The following IGFBP7 variants were observed in gnomAD, a reference collection of about 807,000 sequenced individuals.
IGFBP7 encodes insulin-like growth factor-binding protein 7.
In IGFBP7, 31 loss-of-function variants were observed where a neutral mutation model predicts 29.4. That is an observed-to-expected ratio of 1.05 (90% confidence interval 0.79 to 1.42). The LOEUF (loss-of-function observed/expected upper bound fraction) is 1.42, where lower values mean the gene tolerates loss of function less well. Ranked by LOEUF, IGFBP7 falls within the 40% of genes most tolerant of loss-of-function variation. IGFBP7 has a pLI of 0.00. For synonymous variants in IGFBP7, 172 were observed against 174.9 expected (o/e 0.98, Z 0.13); for missense variants, 393 against 395.5 (o/e 0.99, Z 0.05).
At chr4:57,056,663 C>A (rs756169245) in intron 1 of IGFBP7, among the ~76,000 whole-genome samples, 2 of 152,312 alleles carry the variant, frequency 1.3e-5, no homozygotes, top group East Asian at 3.9e-4. Context: ...AGGCAAGTCA[C>A]CCTTGCTTTT....
intron 1 of IGFBP7, among the ~76,000 whole-genome samples, chr4:57,092,976 G>T (rs1009878159): frequency 1.3e-5 from 2 of 151,902 alleles, no homozygotes; most frequent in African/African-American, 4.8e-5. Context: ...AATACATATG[G>T]TTAGTATGAT....
At chr4:57,039,765 C>T (rs1724174371) in intron 2 of IGFBP7, among the ~76,000 whole-genome samples, 1 of 150,916 alleles carries the variant, frequency 6.6e-6, no homozygotes, top group African/African-American at 2.4e-5. Flanking sequence ...GCTGGGGCCA[C>T]AGGCATGCCT....
intron 1 of IGFBP7, among the ~76,000 whole-genome samples, chr4:57,073,461 GGT>G (rs2109778323): frequency 6.6e-6 from 1 of 152,106 alleles, no homozygotes; most frequent in African/African-American, 2.4e-5. Flanking sequence ...TGGGCATGGT[GGT>G]GTGTGCCTGT....
intron 1 of IGFBP7, among the ~76,000 whole-genome samples, chr4:57,053,754 T>C (rs1724572677): frequency 6.6e-6 from 1 of 152,148 alleles, no homozygotes; most frequent in Non-Finnish European, 1.5e-5. Flanking sequence ...AGAGAGTGCT[T>C]TCCCGAGACG....
chr4:57,050,961 G>A (rs998804200), intron 1 of IGFBP7, among the ~76,000 whole-genome samples: 1 of 152,092 alleles, frequency 6.6e-6, no homozygotes, highest in Non-Finnish European at 1.5e-5. Context: ...TTGATGCTGG[G>A]TCCTGAAAAT....
chr4:57,082,271 T>C lies in IGFBP7; in HGVS notation c.475+27606A>G, dbSNP rs138877172. On this transcript the variant is annotated intron_variant, in intron 1 of 4. Transcript: ENST00000295666. ...ATATCAGTTATAATAAGAAAGACTT[T>C]CCTGAGAGAAGGCTGAGTTTACAAA... Among the ~76,000 whole-genome samples, 41 of 152,310 alleles carry C rather than the reference T, an allele frequency of 2.7e-4. 3 individuals carry two copies. The highest frequency in any genetic ancestry group is 9.1e-4 in the African/African-American group (38 of 41,574).
chr4:57,052,254 G>A (rs983205447), intron 1 of IGFBP7, among the ~76,000 whole-genome samples: 5 of 152,188 alleles, frequency 3.3e-5, no homozygotes, highest in African/African-American at 7.2e-5. Context: ...AGGAAAGAGA[G>A]GCATGATTTA....
intron 1 of IGFBP7, among the ~76,000 whole-genome samples, chr4:57,094,057 G>T (rs1431964925): frequency 1.3e-5 from 2 of 151,990 alleles, no homozygotes. Context: ...GCTTACACAG[G>T]GACTCTCTTA....
chr4:57,039,939 T>C (rs1026981701), intron 2 of IGFBP7, among the ~76,000 whole-genome samples: 17 of 151,206 alleles, frequency 1.1e-4, no homozygotes, highest in Admixed American at 4.6e-4. Flanking sequence ...CACTTTTTTT[T>C]TTCTTTTTTT....
chr4:57,045,874 C>T (rs59562605), intron 1 of IGFBP7, among the ~76,000 whole-genome samples: 11,625 of 151,736 alleles, frequency 0.077, 639 homozygotes, highest in East Asian at 0.25. Context: ...TACAGGTGCT[C>T]GCCACCATGC....
In IGFBP7 at chr4:57,109,276, C is replaced by CA. The variant is rs145217955; in HGVS notation, c.475+600dup. Among the ~76,000 whole-genome samples the CA allele has an allele frequency of 1.5e-3, 234 of 151,844 alleles. 4 individuals are homozygous for CA. The East Asian group carries it at 0.037, about 24-fold the overall frequency. On this transcript the variant is annotated intron_variant, in intron 1 of 4. Transcript: ENST00000295666. ...CGCTATAAAACAAAACAAAACAAAACAAAAAACCAAAAATTGGCCAGGCGT... is the reference window on the plus strand; with the variant it reads ...CGCTATAAAACAAAACAAAACAAAACAAAAAAACCAAAAATTGGCCAGGCGT...
chr4:57,085,134 A>G (rs1302109865), intron 1 of IGFBP7, among the ~76,000 whole-genome samples: 1 of 152,126 alleles, frequency 6.6e-6, no homozygotes, highest in East Asian at 1.9e-4. Flanking sequence ...TGTTTTCACT[A>G]GAATATCAAT....
rs567210914 is a variant in IGFBP7 at position 57,076,545 on chromosome 4, G to C, written c.475+33332C>G. ...ACCTTCGTGTAAGCGTATGGCTCCA[G>C]CCTGCTCTGTACAGATCCGACAGTC... is the stretch of plus-strand genomic sequence containing the variant. On this transcript the variant is annotated intron_variant, in intron 1 of 4. Transcript: ENST00000295666. Among the ~76,000 whole-genome samples the C allele has an allele frequency of 2.0e-5, 3 of 152,342 alleles. No homozygotes were observed. In the South Asian group the frequency reaches 6.2e-4, roughly 32 times the overall value.
chr4:57,050,539 C>T (rs1460727352), intron 1 of IGFBP7, among the ~76,000 whole-genome samples: 1 of 151,758 alleles, frequency 6.6e-6, no homozygotes, highest in African/African-American at 2.4e-5. Flanking sequence ...GCCACTGCAC[C>T]TGGCTTTTCA....
At chr4:57,066,539 CAAA>C in intron 1 of IGFBP7, among the ~76,000 whole-genome samples, 1 of 152,112 alleles carries the variant, frequency 6.6e-6, no homozygotes, top group African/African-American at 2.4e-5. Flanking sequence ...TATGCAGTAG[CAAA>C]CAAATAATAT....
intron 4 of IGFBP7, 30 bp from the exon 5 acceptor site, chr4:57,031,366 A>C: frequency 6.4e-7 from 1 of 1,557,640 alleles, no homozygotes; most frequent in South Asian, 1.1e-5. Context: ...GATAAAAATT[A>C]GTTACATATG....
At position 57,039,555 on chromosome 4, in the gene IGFBP7, A is replaced by T. The variant is rs184452989; in HGVS notation, c.585+1269T>A. ...GCACAGGCAGCCCGCACAACAAATA[A>T]TTATCTGGCCCCAAATGTCAATAGT... On this transcript the variant is annotated intron_variant, in intron 2 of 4. Transcript: ENST00000295666. Among the ~76,000 whole-genome samples, 7 of 152,108 alleles carry T rather than the reference A, an allele frequency of 4.6e-5. No homozygotes were observed. The East Asian group carries it at 1.2e-3, about 25-fold the overall frequency.
At chr4:57,063,720 C>T (rs1307837969) in intron 1 of IGFBP7, among the ~76,000 whole-genome samples, 1 of 152,060 alleles carries the variant, frequency 6.6e-6, no homozygotes, top group African/African-American at 2.4e-5. Context: ...ACAAATTGGT[C>T]CTCAGCTGTT....
Position 57,031,108 on chromosome 4 carries a change from G to A in IGFBP7, c.*209C>T. Reference sequence around the variant, plus strand: ...ATAAAAAGTATTTTATTTGTTTAATGATATGCATGCTTTTCTTCTGTAAAT... The same window carrying A: ...ATAAAAAGTATTTTATTTGTTTAATAATATGCATGCTTTTCTTCTGTAAAT... On this transcript the variant is annotated 3_prime_UTR_variant, in exon 5 of 5. Coordinates refer to ENST00000295666, the MANE Select transcript of IGFBP7 (RefSeq NM_001553.3). 1.4e-6 allele frequency: 1 copy of A among 737,204 alleles called. No individual in the cohort carries two copies. The highest frequency in any genetic ancestry group is 2.3e-6 in the Non-Finnish European group (1 of 426,384). 45.7% of individuals were successfully genotyped at this position (737,204 alleles called of 1,614,324 possible). A position where few individuals can be genotyped will look rare whatever the true frequency, so the allele number is the denominator to read the frequency against.
Sources: allele counts gnomAD v4.1 joint callset (sites outside exome capture counted in the v4.1 genomes callset), GRCh38; gene constraint gnomAD v4.1.1; transcripts MANE v1.5; gene names NCBI Gene and HGNC (gene_info 2026-07-23, HGNC 2026-07-21).